The following PITPNC1 variants were observed in gnomAD, a reference collection of about 807,000 sequenced individuals.
The protein encoded by PITPNC1 is phosphatidylinositol transfer protein cytoplasmic 1.
Under a neutral mutation model 44.7 loss-of-function variants are expected in PITPNC1, and 18 were observed. The observed-to-expected ratio is 0.40, with a 90% CI of 0.28 to 0.60. The LOEUF (loss-of-function observed/expected upper bound fraction) is 0.60. Among genes scored for constraint, PITPNC1 ranks in the 20% least tolerant of loss-of-function variants. PITPNC1 has a pLI of 0.39. For missense variants in PITPNC1, 290 were observed against 418.4 expected (o/e 0.69, Z 2.68); for synonymous variants, 141 against 149.6 (o/e 0.94, Z 0.42).
intron 1 of PITPNC1, among the ~76,000 whole-genome samples, chr17:67,436,240 A>G (rs993883156): frequency 2.0e-5 from 3 of 152,072 alleles, no homozygotes; most frequent in Non-Finnish European, 2.9e-5. Context: ...GCCTCAAAGG[A>G]TCCTCCTGCC....
chr17:67,513,241 G>C (rs372137821), intron 1 of PITPNC1, among the ~76,000 whole-genome samples: 2 of 151,760 alleles, frequency 1.3e-5, no homozygotes, highest in East Asian at 1.9e-4. Context: ...GCGGGCGACT[G>C]TAATCCCAGC....
intron 6 of PITPNC1, among the ~76,000 whole-genome samples, chr17:67,639,283 T>C (rs2042067915): frequency 6.6e-6 from 1 of 152,178 alleles, no homozygotes; most frequent in Non-Finnish European, 1.5e-5. Context: ...TGAATTCCTT[T>C]AGTTAGCATT....
intron 3 of PITPNC1, among the ~76,000 whole-genome samples, chr17:67,552,805 CAAAA>C (rs10601654): frequency 4.7e-5 from 3 of 63,476 alleles, no homozygotes; most frequent in Non-Finnish European, 6.9e-5. Context: ...GAGACTCCGT[CAAAA>C]AAAAAAAAAA....
intron 1 of PITPNC1, among the ~76,000 whole-genome samples, chr17:67,380,078 CTT>C (rs527469040): frequency 1.1e-4 from 16 of 139,594 alleles, no homozygotes; most frequent in Non-Finnish European, 1.4e-4. Flanking sequence ...CTTTTCTTTT[CTT>C]TTTTTTTTTT....
chr17:67,485,463 C>A (rs560398791), intron 1 of PITPNC1, among the ~76,000 whole-genome samples: 2 of 150,172 alleles, frequency 1.3e-5, no homozygotes, highest in Admixed American at 1.3e-4. Flanking sequence ...CTCCTGGATT[C>A]AGGCGATTCT....
intron 1 of PITPNC1, among the ~76,000 whole-genome samples, chr17:67,493,498 G>A (rs2039889915): frequency 6.6e-6 from 1 of 152,180 alleles, no homozygotes; most frequent in Non-Finnish European, 1.5e-5. Flanking sequence ...GCAACCAAAT[G>A]ATATGCAGCA....
chr17:67,530,085 CTTT>C (rs796278390), intron 1 of PITPNC1, among the ~76,000 whole-genome samples: 24 of 71,248 alleles, frequency 3.4e-4, no homozygotes, highest in Middle Eastern at 0.019. Context: ...CAACCCTTGG[CTTT>C]TTTTTTTTTT....
At chr17:67,455,595 G>GTTT (rs141136687) in intron 1 of PITPNC1, among the ~76,000 whole-genome samples, 2 of 132,690 alleles carry the variant, frequency 1.5e-5, no homozygotes, top group African/African-American at 5.1e-5. Context: ...AGTTTTTTTT[G>GTTT]TTTTTTTTTG....
At chr17:67,677,537 G>C (rs1276783335) in intron 8 of PITPNC1, among the ~76,000 whole-genome samples, 1 of 151,954 alleles carries the variant, frequency 6.6e-6, no homozygotes. Context: ...TTCCATCTCA[G>C]CTGAGCCTAG....
At chr17:67,591,768 G>C (rs1002495546) in intron 5 of PITPNC1, among the ~76,000 whole-genome samples, 5 of 152,056 alleles carry the variant, frequency 3.3e-5, no homozygotes, top group Non-Finnish European at 7.4e-5. Context: ...GGAGTGCAGT[G>C]GCACCATCAC....
intron 5 of PITPNC1, among the ~76,000 whole-genome samples, chr17:67,605,072 C>G (rs2041591931): frequency 6.6e-6 from 1 of 152,100 alleles, no homozygotes. Flanking sequence ...GGGTGAGATT[C>G]TGTCTCAAAA....
chr17:67,632,569 C>CTT (rs1246213208), intron 6 of PITPNC1: 242 of 146,626 alleles, frequency 1.7e-3, no homozygotes, highest in Middle Eastern at 0.011. Flanking sequence ...TACATGCGCT[C>CTT]TTTTTTTTTT....
intron 6 of PITPNC1, among the ~76,000 whole-genome samples, chr17:67,666,814 G>A (rs1251242898): frequency 6.6e-6 from 1 of 152,218 alleles, no homozygotes; most frequent in East Asian, 1.9e-4. Context: ...AGAGGAGGCA[G>A]ATCTGTAAGG....
At chr17:67,425,660 C>A (rs12600618) in intron 1 of PITPNC1, among the ~76,000 whole-genome samples, 72,579 of 151,096 alleles carry the variant, frequency 0.48, 18,097 homozygotes, top group Middle Eastern at 0.66. Context: ...TAGCTGGGAC[C>A]AGAGGCACAC....
chr17:67,463,386 G>A (rs2039373164), intron 1 of PITPNC1, among the ~76,000 whole-genome samples: 1 of 152,024 alleles, frequency 6.6e-6, no homozygotes, highest in Admixed American at 6.6e-5. Context: ...TGCAGTTGTG[G>A]CAATATTGAT....
At chr17:67,614,844 C>A (rs2041737145) in intron 5 of PITPNC1, among the ~76,000 whole-genome samples, 1 of 151,376 alleles carries the variant, frequency 6.6e-6, no homozygotes, top group South Asian at 2.1e-4. Flanking sequence ...GGGACCCCGT[C>A]TCTACTAAAA....
intron 1 of PITPNC1, among the ~76,000 whole-genome samples, chr17:67,509,677 AATGCTTTAAAGTGTGAC>A (rs2040155736): frequency 6.6e-6 from 1 of 152,166 alleles, no homozygotes; most frequent in South Asian, 2.1e-4. Context: ...AGAAGAAAAA[AATGCTTTAAAGTGTGAC>A]ATATATCACA....
chr17:67,406,649 C>T (rs548018483), intron 1 of PITPNC1, among the ~76,000 whole-genome samples: 19 of 149,780 alleles, frequency 1.3e-4, no homozygotes, highest in Middle Eastern at 3.5e-3. Context: ...TCCATTGGTG[C>T]GATCTCAGCC....
intron 6 of PITPNC1, among the ~76,000 whole-genome samples, chr17:67,648,827 TGA>T (rs1038988180): frequency 6.6e-6 from 1 of 152,118 alleles, no homozygotes; most frequent in African/African-American, 2.4e-5. Flanking sequence ...AGTAGTATTC[TGA>T]GAGAATCAAC....
Sources: allele counts gnomAD v4.1 joint callset (sites outside exome capture counted in the v4.1 genomes callset), GRCh38; gene constraint gnomAD v4.1.1; transcripts MANE v1.5; gene names NCBI Gene and HGNC (gene_info 2026-07-23, HGNC 2026-07-21).